AP4E1: variants seen among roughly 807,000 people sequenced by gnomAD.
The protein encoded by AP4E1 is adaptor related protein complex 4 subunit epsilon 1.
Under a neutral mutation model 128.2 loss-of-function variants are expected in AP4E1, and 56 were observed. The ratio of observed to expected loss-of-function variants is 0.44; its 90% CI spans 0.35 to 0.55. AP4E1 has a LOEUF of 0.55. Ranked by LOEUF, AP4E1 falls within the 20% of genes least tolerant of loss-of-function variation. AP4E1 has a pLI of 0.00. For synonymous variants in AP4E1, 484 were observed against 473.1 expected, an observed-to-expected ratio of 1.02 and a Z score of -0.30; for missense variants, 1,324 against 1,307.7, an observed-to-expected ratio of 1.01 and a Z score of -0.19.
intron 14 of AP4E1, among the ~76,000 whole-genome samples, chr15:50,964,899 AT>A (rs943659396): frequency 1.3e-4 from 20 of 151,136 alleles, no homozygotes; most frequent in African/African-American, 4.9e-4. Flanking sequence ...TGTCCTCGTG[AT>A]AGAGAGTGAG....
chr15:50,922,553 G>A (rs889695197), intron 3 of AP4E1, among the ~76,000 whole-genome samples: 1 of 152,134 alleles, frequency 6.6e-6, no homozygotes, highest in African/African-American at 2.4e-5. Context: ...TGGATGCTGG[G>A]TAATGATGGT....
chr15:50,910,348 A>G (rs888166965), intron 1 of AP4E1, among the ~76,000 whole-genome samples: 12 of 152,202 alleles, frequency 7.9e-5, no homozygotes, highest in African/African-American at 2.9e-4. Flanking sequence ...AGGAGTTTAT[A>G]TCTTAAAAAG....
chr15:51,001,988 C>T (rs1262873921), intron 20 of AP4E1, among the ~76,000 whole-genome samples: 1 of 152,130 alleles, frequency 6.6e-6, no homozygotes, highest in Non-Finnish European at 1.5e-5. Context: ...AAGCTATTCT[C>T]GTGCCTCAGC....
chr15:50,960,808 TAAAAAAGATACAAAA>T (rs930325014), intron 14 of AP4E1, among the ~76,000 whole-genome samples: 2 of 145,750 alleles, frequency 1.4e-5, no homozygotes, highest in African/African-American at 5.1e-5. Flanking sequence ...AATGGAGACG[TAAAAAAGATACAAAA>T]AAAAAAGAGA....
At chr15:50,980,421 T>C (rs2064627551) in intron 15 of AP4E1, among the ~76,000 whole-genome samples, 1 of 152,148 alleles carries the variant, frequency 6.6e-6, no homozygotes, top group Admixed American at 6.6e-5. Flanking sequence ...CAGTAAGATA[T>C]GAGAGGAAAT....
chr15:50,923,860 CT>C (rs1185456252), intron 3 of AP4E1, 70 bp from the exon 4 acceptor site: 1 of 1,161,020 alleles, frequency 8.6e-7, no homozygotes, highest in African/African-American at 1.5e-5. Context: ...TACAGGACTG[CT>C]TTGTTTAACT....
chr15:50,969,204 A>G (rs2064441483), intron 15 of AP4E1, among the ~76,000 whole-genome samples: 2 of 151,962 alleles, frequency 1.3e-5, no homozygotes, highest in South Asian at 2.1e-4. Context: ...GTTTCCCTCT[A>G]TGTGTCCATG....
At chr15:50,908,361 G>A (rs2063519536), upstream of AP4E1, among the ~76,000 whole-genome samples, 1 of 152,120 alleles carries the variant, frequency 6.6e-6, no homozygotes, top group African/African-American at 2.4e-5. Flanking sequence ...GGGACGTCCC[G>A]AAAAAGGCGC....
At chr15:50,924,865 G>A (rs965512862) in intron 4 of AP4E1, among the ~76,000 whole-genome samples, 5 of 152,104 alleles carry the variant, frequency 3.3e-5, no homozygotes, top group African/African-American at 1.2e-4. Flanking sequence ...TCAGAACAGC[G>A]ATAAAATTTC....
Position 50,948,084 on chromosome 15 carries a change from T to G in AP4E1, c.1241T>G (p.Leu414Arg). 1 of 1,613,688 alleles carries G rather than the reference T, an allele frequency of 6.2e-7. No homozygotes were observed. The highest frequency in any genetic ancestry group is 2.2e-5 in the East Asian group (1 of 44,836). ...ATAACAGTTATTGTCCAGAAAATGC[T>G]TGAATATTTACATCAGAGCAAAGAA... ...QNITVIVQKM[L>R]EYLHQSKEEY... Residue 414 changes from leucine (L) to arginine (R), a missense_variant, in exon 11 of 21, where the codon CTT (leucine) becomes CGT (arginine). By Grantham distance (102) the Leu-to-Arg change is moderately radical. Transcript: ENST00000261842.
chr15:50,924,709 A>T (rs929531074), intron 4 of AP4E1, among the ~76,000 whole-genome samples: 1 of 152,192 alleles, frequency 6.6e-6, no homozygotes, highest in Non-Finnish European at 1.5e-5. Flanking sequence ...GAATGTGTGC[A>T]TTTTATTGTG....
chr15:50,991,161 C>T (rs2064801710), intron 16 of AP4E1, among the ~76,000 whole-genome samples: 1 of 152,184 alleles, frequency 6.6e-6, no homozygotes, highest in Non-Finnish European at 1.5e-5. Context: ...CTCTGCAGCT[C>T]AGGCAATCCC....
At chr15:50,944,860 A>T in intron 10 of AP4E1, 1 of 775,318 alleles carries the variant, frequency 1.3e-6, no homozygotes, top group Non-Finnish European at 2.3e-6. Flanking sequence ...GGTCACCAAG[A>T]TGGAGTCAGT....
At chr15:50,952,338 A>G (rs1405549479) in intron 13 of AP4E1, among the ~76,000 whole-genome samples, 2 of 151,746 alleles carry the variant, frequency 1.3e-5, no homozygotes, top group African/African-American at 4.8e-5. Context: ...GTAACACCCC[A>G]TCTCTACTAA....
At chr15:50,947,887 C>T in intron 10 of AP4E1, 133 bp from the exon 11 acceptor site, 4 of 702,152 alleles carry the variant, frequency 5.7e-6, no homozygotes, top group South Asian at 4.0e-5. Flanking sequence ...CATTTCTTAC[C>T]TGTTAACTGA....
chr15:50,909,032 T>C, intron 1 of AP4E1, 104 bp downstream of exon 1: 3 of 1,531,774 alleles, frequency 2.0e-6, no homozygotes, highest in Non-Finnish European at 2.6e-6. Context: ...GGGTTAGCCC[T>C]CCGGCGGGGC....
intron 16 of AP4E1, 133 bp from the exon 17 acceptor site, chr15:50,993,237 C>A: frequency 1.1e-6 from 1 of 893,124 alleles, no homozygotes; most frequent in Non-Finnish European, 1.7e-6. Flanking sequence ...GGTTTTACTT[C>A]TGGTATATAG....
At chr15:50,964,460 A>G (rs1456843628) in intron 14 of AP4E1, among the ~76,000 whole-genome samples, 2 of 150,828 alleles carry the variant, frequency 1.3e-5, no homozygotes, top group Admixed American at 6.6e-5. Context: ...TTTTTTTTTC[A>G]AGCATTTTAT....
chr15:50,929,104 C>T lies in AP4E1; in HGVS notation c.638C>T (p.Ala213Val), dbSNP rs1555455254. 2 of 1,613,894 alleles carry T rather than the reference C, an allele frequency of 1.2e-6. No individual in the cohort carries two copies. The highest frequency in any genetic ancestry group is 8.5e-7 in the Non-Finnish European group (1 of 1,179,904). ...VQHIHIKFRK[A>V]LCDRDVGVMA... ...CATATTCATATTAAGTTTCGGAAAG[C>T]ACTTTGTGACAGAGATGTTGGGGTC... Residue 213 changes from alanine (A) to valine (V), a missense_variant, in exon 6 of 21, where the codon GCA (alanine) becomes GTA (valine). Physicochemically the swap from Ala to Val is moderately conservative, Grantham distance 64 (BLOSUM62 0). Coordinates refer to ENST00000261842, the MANE Select transcript of AP4E1 (RefSeq NM_007347.5).
Sources: allele counts gnomAD v4.1 joint callset (sites outside exome capture counted in the v4.1 genomes callset), GRCh38; gene constraint gnomAD v4.1.1; transcripts MANE v1.5; gene names NCBI Gene and HGNC (gene_info 2026-07-23, HGNC 2026-07-21).